RIT2: variants seen among roughly 807,000 people sequenced by gnomAD.
The protein encoded by RIT2 is GTP-binding protein Rit2.
In RIT2, 24 loss-of-function variants were observed where a neutral mutation model predicts 23.7. The ratio of observed to expected loss-of-function variants is 1.01; its 90% CI spans 0.73 to 1.43. The LOEUF (loss-of-function observed/expected upper bound fraction) is 1.43. RIT2 is among the 40% of genes most tolerant of loss of function. The pLI is 0.00. For synonymous variants in RIT2, 107 were observed against 91.1 expected (o/e 1.17, Z -0.99); for missense variants, 236 against 266.9 (o/e 0.88, Z 0.81).
rs1372097376 is a variant in RIT2, at chr18:42,831,302, T to C, written c.427-87582A>G. Among the ~76,000 whole-genome samples the C allele has an allele frequency of 2.0e-5, 3 of 152,370 alleles. No homozygotes were observed. The East Asian group carries it at 5.8e-4, about 29-fold the overall frequency. ...TTGTTTTCTCATAAAGATAGTTTTA[T>C]ATCTAGACAAGCAAATGCTTCAGAG... On this transcript the variant is annotated intron_variant, in intron 4 of 4. Coordinates refer to ENST00000326695, the MANE Select transcript of RIT2 (RefSeq NM_002930.4).
chr18:43,082,746 C>A (rs1357719646), intron 1 of RIT2, among the ~76,000 whole-genome samples: 1 of 151,800 alleles, frequency 6.6e-6, no homozygotes, highest in African/African-American at 2.4e-5. Context: ...ATAATAAGAG[C>A]TATTTATGAC....
chr18:42,889,426 A>G (rs73471683), intron 4 of RIT2, among the ~76,000 whole-genome samples: 3,909 of 152,100 alleles, frequency 0.026, 163 homozygotes, highest in African/African-American at 0.087. Context: ...CTATAGGAAA[A>G]TTGGGTTATT....
intron 4 of RIT2, among the ~76,000 whole-genome samples, chr18:42,860,601 G>A (rs1177770451): frequency 6.6e-6 from 1 of 152,168 alleles, no homozygotes. Context: ...TTAGGAAGAG[G>A]ATGGGGAGAA....
chr18:43,064,832 T>C (rs1365971332), intron 1 of RIT2, among the ~76,000 whole-genome samples: 1 of 152,128 alleles, frequency 6.6e-6, no homozygotes, highest in East Asian at 1.9e-4. Flanking sequence ...TTATTTATTA[T>C]TTATGAGAGA....
chr18:43,097,867 T>G (rs1568081556), intron 1 of RIT2, among the ~76,000 whole-genome samples: 1 of 151,848 alleles, frequency 6.6e-6, no homozygotes, highest in African/African-American at 2.4e-5. Flanking sequence ...AGACCATCCA[T>G]CACTTTCAGG....
chr18:43,048,515 T>G (rs1422286756), intron 1 of RIT2, among the ~76,000 whole-genome samples: 2 of 152,188 alleles, frequency 1.3e-5, no homozygotes, highest in Non-Finnish European at 2.9e-5. Context: ...CTTTCATAGT[T>G]GCCTCATCTA....
At chr18:42,871,770 G>C (rs1352886001) in intron 4 of RIT2, among the ~76,000 whole-genome samples, 2 of 152,160 alleles carry the variant, frequency 1.3e-5, no homozygotes, top group African/African-American at 4.8e-5. Flanking sequence ...AGTACTCTGA[G>C]GGAAACAACA....
chr18:42,905,435 A>C (rs1908585504), intron 4 of RIT2, among the ~76,000 whole-genome samples: 1 of 152,172 alleles, frequency 6.6e-6, no homozygotes, highest in Admixed American at 6.5e-5. Context: ...TATTATATCT[A>C]AGTATACATG....
chr18:42,791,529 G>T (rs113595527), intron 4 of RIT2, among the ~76,000 whole-genome samples: 3 of 152,056 alleles, frequency 2.0e-5, no homozygotes, highest in Non-Finnish European at 2.9e-5. Context: ...TTAGTGTCCC[G>T]CTGACCTGTT....
chr18:42,814,152 G>T (rs763753287), intron 4 of RIT2, among the ~76,000 whole-genome samples: 1 of 152,322 alleles, frequency 6.6e-6, no homozygotes, highest in Non-Finnish European at 1.5e-5. Flanking sequence ...CTGGGAAAAG[G>T]CCGCAGGGAA....
intron 2 of RIT2, among the ~76,000 whole-genome samples, chr18:43,023,797 A>G (rs1911649893): frequency 6.6e-6 from 1 of 151,624 alleles, no homozygotes; most frequent in Non-Finnish European, 1.5e-5. Flanking sequence ...TTTGAGAAAA[A>G]GAATAGAAGA....
chr18:42,848,803 T>A (rs1031932646), intron 4 of RIT2, among the ~76,000 whole-genome samples: 1 of 152,178 alleles, frequency 6.6e-6, no homozygotes, highest in Admixed American at 6.5e-5. Context: ...TATTCAACTT[T>A]AGGAGTTATT....
At chr18:42,841,999 C>T (rs1441558364) in intron 4 of RIT2, among the ~76,000 whole-genome samples, 1 of 152,180 alleles carries the variant, frequency 6.6e-6, no homozygotes, top group African/African-American at 2.4e-5. Flanking sequence ...TTATTTTTCA[C>T]AAAAATTCTT....
At chr18:42,930,535 GGAAA>G (rs1909301761) in intron 3 of RIT2, among the ~76,000 whole-genome samples, 1 of 151,944 alleles carries the variant, frequency 6.6e-6, no homozygotes, top group South Asian at 2.1e-4. Flanking sequence ...GCCTCGCCAA[GGAAA>G]GAAAGAATTA....
chr18:42,854,634 G>A (rs993704154), intron 4 of RIT2, among the ~76,000 whole-genome samples: 3 of 152,084 alleles, frequency 2.0e-5, no homozygotes, highest in African/African-American at 7.2e-5. Context: ...CTGTCTATGA[G>A]ACCAGGCATA....
At chr18:42,988,977 A>G (rs1910777646) in intron 2 of RIT2, among the ~76,000 whole-genome samples, 1 of 152,192 alleles carries the variant, frequency 6.6e-6, no homozygotes, top group Non-Finnish European at 1.5e-5. Flanking sequence ...CTGATTAACA[A>G]TAAAACATGT....
rs1196772138 is a variant in RIT2 at position 42,979,066 on chromosome 18, T to C, written c.161-4919A>G. Reference sequence around the variant, plus strand: ...CTAAATTATTTCTGCTATTTATATTTACCCATGTGGAAATGTTTTTCCCAA... The same window carrying C: ...CTAAATTATTTCTGCTATTTATATTCACCCATGTGGAAATGTTTTTCCCAA... On this transcript the variant is annotated intron_variant, in intron 2 of 4. Coordinates refer to ENST00000326695, the MANE Select transcript of RIT2 (RefSeq NM_002930.4). Among the ~76,000 whole-genome samples the C allele has an allele frequency of 3.9e-5, 6 of 152,170 alleles. No individual in the cohort carries two copies. In the East Asian group the frequency reaches 1.2e-3, roughly 29 times the overall value.
At chr18:42,863,302 G>A (rs1171005893) in intron 4 of RIT2, among the ~76,000 whole-genome samples, 1 of 152,116 alleles carries the variant, frequency 6.6e-6, no homozygotes, top group Non-Finnish European at 1.5e-5. Context: ...ATGTAGGTGT[G>A]TATATGCATT....
rs1352826050 is a variant in RIT2, at chr18:42,923,585, T to C, written c.413A>G (p.Glu138Gly). ...LVLVGNKIDL[E>G]QFRQVSTEEG... ...ATCGGCACTCACCTGGCGGAACTGT[T>C]CCAGATCAATTTTGTTACCCACCAG... The change falls in exon 4 of 5, where the codon GAA (glutamate) becomes GGA (glycine). Residue 138 changes from glutamate (E) to glycine (G), a missense_variant. Transcript: ENST00000326695. 16 of 1,613,128 alleles carry C rather than the reference T, an allele frequency of 9.9e-6. No individual in the cohort carries two copies. The highest frequency in any genetic ancestry group is 1.3e-5 in the Non-Finnish European group (15 of 1,179,414).
Sources: allele counts gnomAD v4.1 joint callset (sites outside exome capture counted in the v4.1 genomes callset), GRCh38; gene constraint gnomAD v4.1.1; transcripts MANE v1.5; gene names NCBI Gene and HGNC (gene_info 2026-07-23, HGNC 2026-07-21).